Variants in RAD51B observed in about 807,000 individuals in gnomAD.
RAD51B encodes the protein RAD51 paralog B, also known as DNA repair protein RAD51 homolog 2.
In RAD51B, 38 loss-of-function variants were observed where a neutral mutation model predicts 42.2. The ratio of observed to expected loss-of-function variants is 0.90; its 90% confidence interval spans 0.70 to 1.18. The LOEUF (loss-of-function observed/expected upper bound fraction) is 1.18. RAD51B is among the 50% of genes most tolerant of loss of function. The probability of loss-of-function intolerance (pLI) is 0.00; values close to 1 mark genes in which losing one functional copy is unlikely to be tolerated. For missense variants in RAD51B, 373 were observed against 400.7 expected (o/e 0.93, Z 0.59); for synonymous variants, 154 against 145.2 (o/e 1.06, Z -0.43).
chr14:68,424,879 A>G (rs904012780), intron 9 of RAD51B, among the ~76,000 whole-genome samples: 9 of 152,076 alleles, frequency 5.9e-5, no homozygotes, highest in Admixed American at 1.3e-4. Flanking sequence ...AGCTCAAGCA[A>G]TTCTTCCACC....
chr14:67,958,588 TAAA>T (rs937860462), intron 7 of RAD51B, among the ~76,000 whole-genome samples: 2 of 152,210 alleles, frequency 1.3e-5, no homozygotes, highest in Non-Finnish European at 2.9e-5. Context: ...AAAGCTATAG[TAAA>T]AAACAATATT....
intron 7 of RAD51B, among the ~76,000 whole-genome samples, chr14:67,888,965 G>A (rs964018236): frequency 2.0e-5 from 3 of 152,008 alleles, no homozygotes; most frequent in Non-Finnish European, 4.4e-5. Flanking sequence ...TTTAAATGTT[G>A]TGTTTGTTTG....
intron 7 of RAD51B, among the ~76,000 whole-genome samples, chr14:68,027,335 TGTATG>T (rs1366039954): frequency 1.3e-5 from 2 of 152,122 alleles, no homozygotes; most frequent in African/African-American, 2.4e-5. Context: ...ATGGTAATCT[TGTATG>T]GTATCTAGCT....
At chr14:68,045,956 C>T (rs2076292380) in intron 7 of RAD51B, among the ~76,000 whole-genome samples, 1 of 152,006 alleles carries the variant, frequency 6.6e-6, no homozygotes, top group Non-Finnish European at 1.5e-5. Context: ...GTCTTTCTCT[C>T]CTTCGACATG....
intron 7 of RAD51B, among the ~76,000 whole-genome samples, chr14:67,907,840 G>C (rs1382171384): frequency 1.3e-5 from 2 of 152,154 alleles, no homozygotes; most frequent in Non-Finnish European, 2.9e-5. Context: ...CAGCATTTAA[G>C]GGAAGGTTTA....
intron 10 of RAD51B, among the ~76,000 whole-genome samples, chr14:68,545,308 G>C (rs138870849): frequency 9.8e-5 from 15 of 152,370 alleles, no homozygotes; most frequent in African/African-American, 2.6e-4. Context: ...CCACTTGGCA[G>C]TGGATATCTT....
At chr14:67,918,474 A>C (rs951597964) in intron 7 of RAD51B, among the ~76,000 whole-genome samples, 1 of 152,180 alleles carries the variant, frequency 6.6e-6, no homozygotes, top group South Asian at 2.1e-4. Flanking sequence ...ACCTCAGTTG[A>C]TTCATCTGCC....
intron 8 of RAD51B, among the ~76,000 whole-genome samples, chr14:68,388,313 A>T (rs2083653857): frequency 6.6e-6 from 1 of 151,658 alleles, no homozygotes; most frequent in African/African-American, 2.4e-5. Context: ...GGCCCGGTTG[A>T]TCTCGAACTC....
At chr14:67,885,813 ATGTGGC>A (rs2043042555) in intron 5 of RAD51B, 50 bp from the exon 6 acceptor site, 3 of 1,536,402 alleles carry the variant, frequency 2.0e-6, no homozygotes, top group Non-Finnish European at 2.6e-6. Context: ...AGATTCAGCA[ATGTGGC>A]TTTAAGTAGA....
At chr14:67,877,870 G>T (rs1299140807) in intron 5 of RAD51B, among the ~76,000 whole-genome samples, 2 of 152,098 alleles carry the variant, frequency 1.3e-5, no homozygotes, top group Non-Finnish European at 2.9e-5. Flanking sequence ...TCACCATCTT[G>T]CCCAAACTGG....
At chr14:68,234,071 G>C (rs1013691880) in intron 7 of RAD51B, among the ~76,000 whole-genome samples, 4 of 152,196 alleles carry the variant, frequency 2.6e-5, no homozygotes, top group African/African-American at 9.7e-5. Flanking sequence ...TAGTCTGGAA[G>C]TGGTAGCAGT....
intron 10 of RAD51B, among the ~76,000 whole-genome samples, chr14:68,567,774 C>A (rs1428594139): frequency 6.6e-6 from 1 of 152,210 alleles, no homozygotes; most frequent in Non-Finnish European, 1.5e-5. Context: ...CTTGCTGTAC[C>A]CACAAGAAGA....
intron 8 of RAD51B, among the ~76,000 whole-genome samples, chr14:68,319,031 A>T (rs760434364): frequency 8.5e-5 from 13 of 152,266 alleles, no homozygotes; most frequent in South Asian, 4.2e-4. Context: ...AGACTGTGAG[A>T]TGCTTTAAAA....
chr14:67,997,696 T>C (rs920488838), intron 7 of RAD51B, among the ~76,000 whole-genome samples: 4 of 152,236 alleles, frequency 2.6e-5, no homozygotes, highest in Admixed American at 1.3e-4. Flanking sequence ...TTTCACGTAC[T>C]GTCCTGCCCT....
intron 7 of RAD51B, among the ~76,000 whole-genome samples, chr14:68,102,223 C>A (rs964098884): frequency 1.3e-5 from 2 of 152,202 alleles, no homozygotes; most frequent in African/African-American, 4.8e-5. Flanking sequence ...GCCATGAAGA[C>A]CTCTGACATG....
chr14:68,211,486 A>G (rs2079707135), intron 7 of RAD51B, among the ~76,000 whole-genome samples: 1 of 152,254 alleles, frequency 6.6e-6, no homozygotes, highest in Non-Finnish European at 1.5e-5. Flanking sequence ...GGGAAAAAAG[A>G]AAAATAAAAC....
At position 68,164,928 on chromosome 14, in the gene RAD51B, T is replaced by C. The variant is rs533129471; in HGVS notation, c.757-126956T>C. On this transcript the variant is annotated intron_variant, in intron 7 of 10. Transcript: ENST00000471583. ...GATAGGATGGGCCTGTTTGCACTTA[T>C]CTATTAATAAAAGCACAACACTCCT... Among the ~76,000 whole-genome samples the C allele has an allele frequency of 1.2e-4, 18 of 152,308 alleles. 1 individual carries two copies. Among genetic ancestry groups the C allele is most frequent in the South Asian group, 1.0e-3 (5 of 4,832 alleles).
chr14:68,011,859 G>T (rs990876646), intron 7 of RAD51B, among the ~76,000 whole-genome samples: 2 of 152,002 alleles, frequency 1.3e-5, no homozygotes, highest in South Asian at 2.1e-4. Flanking sequence ...AGTTAGTCTG[G>T]CTGTTTCTCA....
intron 1 of RAD51B, among the ~76,000 whole-genome samples, chr14:67,822,009 G>C (rs1300256599): frequency 6.6e-6 from 1 of 151,994 alleles, no homozygotes; most frequent in Non-Finnish European, 1.5e-5. Context: ...GTGTGTGTGA[G>C]AGAGAGAGAT....
Sources: gnomAD v4.1 joint callset for allele counts (sites outside exome capture counted in the v4.1 genomes callset) on GRCh38, gnomAD v4.1.1 for gene constraint, MANE v1.5 for transcripts, NCBI Gene and HGNC (gene_info 2026-07-23, HGNC 2026-07-21) for gene names.